The following KCND2 variants were observed in gnomAD, a reference collection of about 807,000 sequenced individuals.
The protein encoded by KCND2 is A-type voltage-gated potassium channel KCND2.
A neutral mutation model predicts 54.4 loss-of-function variants in KCND2; 16 were observed. That is an observed-to-expected ratio of 0.29 (90% CI 0.20 to 0.45). The LOEUF (loss-of-function observed/expected upper bound fraction) is 0.45. KCND2 is among the 20% of genes least tolerant of loss of function. The pLI, the probability that KCND2 is intolerant of heterozygous loss-of-function variation, is 1.00. For missense variants in KCND2, 486 were observed against 824.2 expected (o/e 0.59, Z 5.02); for synonymous variants, 317 against 310.7 (o/e 1.02, Z -0.21).
chr7:120,505,362 A>G (rs761961736), intron 1 of KCND2, among the ~76,000 whole-genome samples: 28 of 151,778 alleles, frequency 1.8e-4, no homozygotes, highest in Non-Finnish European at 3.7e-4. Flanking sequence ...GGAGAAACAG[A>G]ATTTGTATTT....
intron 1 of KCND2, among the ~76,000 whole-genome samples, chr7:120,340,125 A>G (rs1205787817): frequency 6.6e-6 from 1 of 152,232 alleles, no homozygotes; most frequent in Non-Finnish European, 1.5e-5. Context: ...AGAGACTTAC[A>G]TTACACAAGG....
intron 1 of KCND2, among the ~76,000 whole-genome samples, chr7:120,299,321 A>C (rs1284595912): frequency 6.6e-6 from 1 of 152,254 alleles, no homozygotes; most frequent in Non-Finnish European, 1.5e-5. Flanking sequence ...TCAGTGAGTT[A>C]ACAGTTTAAT....
At chr7:120,511,329 C>G (rs893332578) in intron 1 of KCND2, among the ~76,000 whole-genome samples, 2 of 152,040 alleles carry the variant, frequency 1.3e-5, no homozygotes, top group Admixed American at 6.6e-5. Context: ...ACATATGACT[C>G]TACATTAAAT....
At chr7:120,658,834 C>G (rs1791833892) in intron 1 of KCND2, among the ~76,000 whole-genome samples, 3 of 152,176 alleles carry the variant, frequency 2.0e-5, no homozygotes, top group Admixed American at 2.0e-4. Context: ...TGTACTTCTT[C>G]CACACACCCA....
chr7:120,729,938 G>GGT (rs760331475), intron 1 of KCND2, among the ~76,000 whole-genome samples: 2 of 152,068 alleles, frequency 1.3e-5, no homozygotes, highest in Non-Finnish European at 2.9e-5. Flanking sequence ...TCAATAAACT[G>GGT]GTGTATCTCC....
intron 2 of KCND2, among the ~76,000 whole-genome samples, chr7:120,736,286 C>T (rs965200957): frequency 1.3e-5 from 2 of 152,006 alleles, no homozygotes; most frequent in African/African-American, 4.8e-5. Flanking sequence ...TCCACTCCTG[C>T]CATATACAGG....
chr7:120,733,624 G>C (rs979777477), intron 2 of KCND2, among the ~76,000 whole-genome samples: 3 of 152,002 alleles, frequency 2.0e-5, no homozygotes, highest in Non-Finnish European at 2.9e-5. Flanking sequence ...GGGTCAAACT[G>C]GTTCCAGTAG....
chr7:120,487,978 T>A (rs1584798497), intron 1 of KCND2, among the ~76,000 whole-genome samples: 1 of 151,888 alleles, frequency 6.6e-6, no homozygotes, highest in Non-Finnish European at 1.5e-5. Flanking sequence ...CCCAGGAGTT[T>A]GAGACCAGCC....
intron 1 of KCND2, among the ~76,000 whole-genome samples, chr7:120,714,343 T>C (rs550211445): frequency 6.6e-6 from 1 of 152,210 alleles, no homozygotes; most frequent in African/African-American, 2.4e-5. Context: ...TTCTATCTGA[T>C]TGTGCAAGTA....
chr7:120,617,486 A>T (rs904447804), intron 1 of KCND2, among the ~76,000 whole-genome samples: 3 of 152,214 alleles, frequency 2.0e-5, no homozygotes, highest in Non-Finnish European at 4.4e-5. Context: ...AAGTCAAAAA[A>T]TAACAGATGT....
chr7:120,407,427 A>G (rs547992185), intron 1 of KCND2, among the ~76,000 whole-genome samples: 9 of 152,136 alleles, frequency 5.9e-5, no homozygotes, highest in Admixed American at 5.3e-4. Flanking sequence ...TGCAATAATA[A>G]GACTCCAAAG....
intron 1 of KCND2, among the ~76,000 whole-genome samples, chr7:120,527,279 T>G (rs562908580): frequency 3.4e-4 from 51 of 152,112 alleles, no homozygotes; most frequent in Non-Finnish European, 6.5e-4. Context: ...TAGTGGTCAT[T>G]AGGGACCTCA....
At chr7:120,494,069 A>G (rs1802819115) in intron 1 of KCND2, among the ~76,000 whole-genome samples, 1 of 152,148 alleles carries the variant, frequency 6.6e-6, no homozygotes, top group South Asian at 2.1e-4. Flanking sequence ...TAAAGATAGG[A>G]CGACCTAAAC....
chr7:120,529,389 A>G (rs1450238230), intron 1 of KCND2, among the ~76,000 whole-genome samples: 1 of 152,156 alleles, frequency 6.6e-6, no homozygotes, highest in Non-Finnish European at 1.5e-5. Flanking sequence ...CCTCTTCTAG[A>G]AAGTTTTCAT....
intron 1 of KCND2, among the ~76,000 whole-genome samples, chr7:120,679,379 G>A (rs1392663746): frequency 6.6e-6 from 1 of 151,814 alleles, no homozygotes; most frequent in Non-Finnish European, 1.5e-5. Flanking sequence ...TACCTCAGAG[G>A]CAGGCATTTT....
chr7:120,667,112 T>C lies in KCND2; in HGVS notation c.1116-65791T>C, dbSNP rs187827957. 3.0e-4 allele frequency among the ~76,000 whole-genome samples: 46 copies of C among 152,000 alleles called. 1 individual carries two copies. The East Asian group carries it at 8.5e-3, about 28-fold the overall frequency. Reference sequence around the variant, plus strand: ...CAACAATCACTTCTTGGGTGTAGAGTAGCAGATTTATTTGAAGTCTAGCCT... The same window carrying C: ...CAACAATCACTTCTTGGGTGTAGAGCAGCAGATTTATTTGAAGTCTAGCCT... On this transcript the variant is annotated intron_variant, in intron 1 of 5. Coordinates refer to ENST00000331113, the MANE Select transcript of KCND2 (RefSeq NM_012281.3).
At chr7:120,475,009 G>A (rs1416593897) in intron 1 of KCND2, among the ~76,000 whole-genome samples, 1 of 152,084 alleles carries the variant, frequency 6.6e-6, no homozygotes, top group African/African-American at 2.4e-5. Context: ...CCTGGCTAAG[G>A]CCTTCACTTT....
intron 3 of KCND2, among the ~76,000 whole-genome samples, chr7:120,742,070 C>A (rs1276322868): frequency 1.3e-5 from 2 of 152,108 alleles, no homozygotes; most frequent in Non-Finnish European, 2.9e-5. Context: ...GATCATATGG[C>A]ATAAACTACA....
chr7:120,476,422 G>A (rs1802534567), intron 1 of KCND2, among the ~76,000 whole-genome samples: 1 of 152,098 alleles, frequency 6.6e-6, no homozygotes, highest in South Asian at 2.1e-4. Context: ...AACAGTGATT[G>A]GCCTAGAAAG....
Sources: allele counts gnomAD v4.1 joint callset (sites outside exome capture counted in the v4.1 genomes callset), GRCh38; gene constraint gnomAD v4.1.1; transcripts MANE v1.5; gene names NCBI Gene and HGNC (gene_info 2026-07-23, HGNC 2026-07-21).